ATP11A: variants seen among roughly 807,000 people sequenced by gnomAD.
The protein encoded by ATP11A is phospholipid-transporting ATPase IH.
Under a neutral mutation model 154.4 loss-of-function variants are expected in ATP11A, and 81 were observed. That is an observed-to-expected ratio of 0.52 (90% CI 0.44 to 0.63). The LOEUF (loss-of-function observed/expected upper bound fraction) is 0.63. Ranked by LOEUF, ATP11A falls within the 30% of genes least tolerant of loss-of-function variation. The pLI, the probability that ATP11A is intolerant of heterozygous loss-of-function variation, is 0.00. For missense variants in ATP11A, 1,316 were observed against 1,474.3 expected (o/e 0.89, Z 1.76); for synonymous variants, 623 against 585.9 (o/e 1.06, Z -0.91).
At chr13:112,726,007 T>A (rs1889834451) in intron 1 of ATP11A, among the ~76,000 whole-genome samples, 1 of 152,264 alleles carries the variant, frequency 6.6e-6, no homozygotes. Flanking sequence ...AAGCAAGCTT[T>A]GTGCTTTTAG....
At chr13:112,742,436 T>C (rs1437820443) in intron 1 of ATP11A, among the ~76,000 whole-genome samples, 1 of 152,142 alleles carries the variant, frequency 6.6e-6, no homozygotes, top group Non-Finnish European at 1.5e-5. Flanking sequence ...GAGCACGCGG[T>C]GTCACAGGTC....
chr13:112,883,459 G>A lies in ATP11A; in HGVS notation c.*1593G>A, dbSNP rs928387707. ...CCCGCCCCGCGCCACGCTGTGGAAC[G>A]GGGCTCCGGCAAGTGAAACCCAGAG... is the stretch of plus-strand genomic sequence containing the variant. On this transcript the variant is annotated 3_prime_UTR_variant, in exon 30 of 30. Transcript: ENST00000375645. The A allele has an allele frequency of 3.9e-5, 14 of 359,834 alleles. No individual in the cohort carries two copies. The highest frequency in any genetic ancestry group is 4.2e-5 in the African/African-American group (2 of 47,816). 22.3% of individuals were successfully genotyped at this position (359,834 alleles called of 1,614,324 possible).
chr13:112,811,161 AACACACACACAC>A lies in ATP11A; in HGVS notation c.441+469_441+480del, dbSNP rs10695491. On this transcript the variant is annotated intron_variant, in intron 5 of 29. Coordinates refer to ENST00000375645, the MANE Select transcript of ATP11A (RefSeq NM_015205.3). ...GGTGGATGTACCCACTGCCCCTTCC[AACACACACACAC>A]ACACACACACACACACACACACACA... Among the ~76,000 whole-genome samples, 151 of 115,604 alleles carry A rather than the reference AACACACACACAC, an allele frequency of 1.3e-3. 1 individual carries two copies. Among genetic ancestry groups the A allele is most frequent in the East Asian group, 5.1e-3 (20 of 3,890 alleles). The allele number at this position is 115,604 out of a possible 152,430, so 75.8% of individuals were successfully genotyped here. A position where few individuals can be genotyped will look rare whatever the true frequency, so the allele number is the denominator to read the frequency against.
At chr13:112,772,073 T>A (rs2077237919) in intron 1 of ATP11A, among the ~76,000 whole-genome samples, 1 of 152,216 alleles carries the variant, frequency 6.6e-6, no homozygotes, top group Non-Finnish European at 1.5e-5. Flanking sequence ...GCTTTTTGTG[T>A]CCTTACCTGG....
At chr13:112,840,675 G>A (rs1162914715) in intron 16 of ATP11A, among the ~76,000 whole-genome samples, 1 of 151,908 alleles carries the variant, frequency 6.6e-6, no homozygotes. Context: ...CAGGTTGGCA[G>A]CCACCTCAGC....
chr13:112,862,279 G>A (rs2080132069), intron 24 of ATP11A, among the ~76,000 whole-genome samples, 161 bp from the exon 25 acceptor site: 1 of 152,244 alleles, frequency 6.6e-6, no homozygotes, highest in Admixed American at 6.5e-5. Flanking sequence ...TGGTTGTGAT[G>A]AACATGCCAC....
chr13:112,822,743 CAAAAAAAA>C (rs764140319), intron 8 of ATP11A, among the ~76,000 whole-genome samples: 1 of 71,096 alleles, frequency 1.4e-5, no homozygotes. Flanking sequence ...GACCCTGTTG[CAAAAAAAA>C]AAAAAAAAAA....
rs543076345 is a variant in ATP11A at position 112,830,050 on chromosome 13, A to G, written c.1222-1325A>G. 2.6e-5 allele frequency among the ~76,000 whole-genome samples: 4 copies of G among 152,340 alleles called. No homozygotes were observed. The East Asian group carries it at 5.8e-4, about 22-fold the overall frequency. On this transcript the variant is annotated intron_variant, in intron 12 of 29. Transcript: ENST00000375645. ...GTTTCCACGTTCTTAAAACTGGGAT[A>G]ATAACACAGTTGATGTGTTAATAAC... is the stretch of plus-strand genomic sequence containing the variant.
At chr13:112,719,648 CAGGTT>C (rs1888924888) in intron 1 of ATP11A, among the ~76,000 whole-genome samples, 2 of 10,418 alleles carry the variant, frequency 1.9e-4, no homozygotes, top group African/African-American at 2.7e-4. Context: ...TGGTGAACTT[CAGGTT>C]ACTTCAGGTT....
chr13:112,760,560 A>G (rs77259412), intron 1 of ATP11A, among the ~76,000 whole-genome samples: 2,193 of 152,326 alleles, frequency 0.014, 63 homozygotes, highest in African/African-American at 0.05. Context: ...CAATGTAAAC[A>G]AACTTGCCTA....
chr13:112,749,886 C>T (rs441476), intron 1 of ATP11A, among the ~76,000 whole-genome samples: 78 of 90,762 alleles, frequency 8.6e-4, no homozygotes, highest in East Asian at 2.2e-3. Flanking sequence ...TGCTGAAGGA[C>T]GCGGGGTTGA....
At chr13:112,811,019 T>C (rs1022138589) in intron 5 of ATP11A, among the ~76,000 whole-genome samples, 1 of 152,188 alleles carries the variant, frequency 6.6e-6, no homozygotes. Flanking sequence ...GACTGAGATG[T>C]TTTTTATTGG....
intron 25 of ATP11A, among the ~76,000 whole-genome samples, chr13:112,862,972 C>T (rs9549305): frequency 0.12 from 15,714 of 125,784 alleles, 2,129 homozygotes; most frequent in Admixed American, 0.19. Flanking sequence ...TCCATCACCA[C>T]GTGCACAGTA....
At chr13:112,735,441 G>A (rs943807663) in intron 1 of ATP11A, among the ~76,000 whole-genome samples, 1 of 152,078 alleles carries the variant, frequency 6.6e-6, no homozygotes, top group Non-Finnish European at 1.5e-5. Context: ...TGATTTCTAC[G>A]GGTTTGTCAA....
chr13:112,810,899 G>A (rs1776352359), intron 5 of ATP11A, among the ~76,000 whole-genome samples, 173 bp downstream of exon 5: 2 of 152,108 alleles, frequency 1.3e-5, no homozygotes, highest in South Asian at 4.1e-4. Context: ...CCGTGCCTGT[G>A]AATAGCCACT....
At chr13:112,740,021 A>G (rs1891373298) in intron 1 of ATP11A, among the ~76,000 whole-genome samples, 2 of 152,110 alleles carry the variant, frequency 1.3e-5, no homozygotes, top group African/African-American at 4.8e-5. Flanking sequence ...TGGGATGATG[A>G]AAATGCTCTA....
rs758374911 is a variant in ATP11A, at chr13:112,819,930, C to T, written c.705C>T (p.Asp235=). ...KFVGRINVYS[D]LNDPVVRPLG... ...TGGGTCGCATCAACGTTTACAGTGACCTGAATGACCCCGTGGTGAGGTGAG... is the reference window on the plus strand; with the variant it reads ...TGGGTCGCATCAACGTTTACAGTGATCTGAATGACCCCGTGGTGAGGTGAG... The change falls in exon 8 of 30, where the codon GAC becomes GAT. Residue 235 remains aspartate, a synonymous_variant. Transcript: ENST00000375645. 5 of 1,612,030 alleles carry T rather than the reference C, an allele frequency of 3.1e-6. No homozygotes were observed. In the South Asian group the frequency reaches 5.5e-5, roughly 18 times the overall value.
intron 1 of ATP11A, among the ~76,000 whole-genome samples, chr13:112,773,232 C>T (rs1250319056): frequency 1.3e-5 from 2 of 152,160 alleles, no homozygotes; most frequent in East Asian, 1.9e-4. Flanking sequence ...CCTGCCCCAC[C>T]ATCGCCACCC....
At chr13:112,710,888 G>T (rs1351411219) in intron 1 of ATP11A, among the ~76,000 whole-genome samples, 1 of 152,198 alleles carries the variant, frequency 6.6e-6, no homozygotes, top group African/African-American at 2.4e-5. Flanking sequence ...TCCCAGCCCC[G>T]CGTCATGTGA....
Sources: allele counts gnomAD v4.1 joint callset (sites outside exome capture counted in the v4.1 genomes callset), GRCh38; gene constraint gnomAD v4.1.1; transcripts MANE v1.5; gene names NCBI Gene and HGNC (gene_info 2026-07-23, HGNC 2026-07-21).